MEF2C: variants seen among roughly 807,000 people sequenced by gnomAD.
The protein encoded by MEF2C is myocyte enhancer factor 2C.
MEF2C carries 6 observed loss-of-function variants against 50.5 expected under a neutral mutation model. That is an observed-to-expected ratio of 0.12 (90% CI 0.07 to 0.23). MEF2C has a LOEUF of 0.23. MEF2C is among the 10% of genes least tolerant of loss of function. MEF2C has a pLI of 1.00. For synonymous variants in MEF2C, 183 were observed against 228.0 expected (o/e 0.80, Z 1.78); for missense variants, 276 against 605.0 (o/e 0.46, Z 5.70).
chr5:88,900,072 A>G (rs1211191268), intron 1 of MEF2C, among the ~76,000 whole-genome samples: 1 of 152,086 alleles, frequency 6.6e-6, no homozygotes, highest in Non-Finnish European at 1.5e-5. Context: ...GCCCAGGACT[A>G]AAATAAATTC....
intron 3 of MEF2C, among the ~76,000 whole-genome samples, chr5:88,778,379 T>G (rs1375837327): frequency 6.6e-6 from 1 of 152,172 alleles, no homozygotes; most frequent in African/African-American, 2.4e-5. Flanking sequence ...ACTTTATTAT[T>G]TTGGCACCTA....
chr5:88,845,869 T>C (rs935571322), intron 1 of MEF2C, among the ~76,000 whole-genome samples: 6 of 152,058 alleles, frequency 3.9e-5, no homozygotes, highest in African/African-American at 1.4e-4. Context: ...TAGCTGAGAC[T>C]ACAGGTGCAC....
intron 3 of MEF2C, among the ~76,000 whole-genome samples, chr5:88,789,022 A>G (rs1792422704): frequency 6.6e-6 from 1 of 152,158 alleles, no homozygotes; most frequent in African/African-American, 2.4e-5. Flanking sequence ...TTCCTCCTTG[A>G]CATCATAGTG....
intron 1 of MEF2C, among the ~76,000 whole-genome samples, chr5:88,831,089 G>A (rs1025055273): frequency 6.6e-6 from 1 of 151,892 alleles, no homozygotes; most frequent in Non-Finnish European, 1.5e-5. Flanking sequence ...AATTATGTTC[G>A]TTATATTCTT....
intron 1 of MEF2C, among the ~76,000 whole-genome samples, chr5:88,852,482 C>G (rs1051580158): frequency 2.0e-5 from 3 of 152,150 alleles, no homozygotes; most frequent in Admixed American, 6.5e-5. Context: ...AATAAGTATA[C>G]TGTACAACAA....
chr5:88,788,199 T>TTTAATTAA lies in MEF2C; in HGVS notation c.258+16398_258+16399insTTAATTAA, dbSNP rs369379315. 1.2e-4 allele frequency among the ~76,000 whole-genome samples: 18 copies of TTTAATTAA among 151,208 alleles called. No homozygotes were observed. In the South Asian group the frequency reaches 2.9e-3, roughly 25 times the overall value. ...GTTTGTTTATTTATTTATTTATTTATTTATTTATTTAGAGACTGTGTCTCG... is the reference window on the plus strand; with the variant it reads ...GTTTGTTTATTTATTTATTTATTTATTTAATTAATTATTTATTTAGAGACTGTGTCTCG... On this transcript the variant is annotated intron_variant, in intron 3 of 10. Coordinates refer to ENST00000504921, the MANE Select transcript of MEF2C (RefSeq NM_002397.5).
At chr5:88,899,766 G>A (rs1835458139) in intron 1 of MEF2C, among the ~76,000 whole-genome samples, 1 of 152,076 alleles carries the variant, frequency 6.6e-6, no homozygotes, top group Admixed American at 6.6e-5. Flanking sequence ...TTTGCATACT[G>A]TTATTACATA....
intron 4 of MEF2C, among the ~76,000 whole-genome samples, chr5:88,760,366 C>T (rs569890258): frequency 8.9e-4 from 136 of 152,246 alleles, no homozygotes; most frequent in African/African-American, 3.0e-3. Context: ...GGTGGCAAAG[C>T]GGATAATATT....
intron 1 of MEF2C, among the ~76,000 whole-genome samples, chr5:88,856,401 A>G (rs1823362202): frequency 6.6e-6 from 1 of 152,242 alleles, no homozygotes; most frequent in African/African-American, 2.4e-5. Flanking sequence ...AATGAGATGG[A>G]AAAGAAAAAC....
chr5:88,866,149 G>T (rs1581748614), intron 1 of MEF2C, among the ~76,000 whole-genome samples: 1 of 152,302 alleles, frequency 6.6e-6, no homozygotes, highest in East Asian at 1.9e-4. Flanking sequence ...GCCGGCCTTG[G>T]CCTCCCAAAG....
intron 4 of MEF2C, among the ~76,000 whole-genome samples, chr5:88,753,508 GCCTCTGCCTC>G (rs1773817410): frequency 6.6e-6 from 1 of 152,188 alleles, no homozygotes; most frequent in African/African-American, 2.4e-5. Flanking sequence ...TGATTCTGCT[GCCTCTGCCTC>G]CCAAGCAGTG....
chr5:88,752,201 TA>T (rs1773143128), intron 4 of MEF2C, among the ~76,000 whole-genome samples, 158 bp from the exon 5 acceptor site: 1 of 152,274 alleles, frequency 6.6e-6, no homozygotes, highest in African/African-American at 2.4e-5. Flanking sequence ...GTTCAGATCA[TA>T]AATTGATTTC....
intron 6 of MEF2C, chr5:88,736,039 T>A: frequency 1.0e-6 from 1 of 985,250 alleles, no homozygotes; most frequent in Non-Finnish European, 1.2e-6. Context: ...GGCATAACCA[T>A]TTTTTAATCT....
intron 3 of MEF2C, among the ~76,000 whole-genome samples, chr5:88,800,933 A>C (rs1442224233): frequency 6.6e-6 from 1 of 152,216 alleles, no homozygotes; most frequent in East Asian, 1.9e-4. Context: ...AACTGATCTC[A>C]GTCTGTCTGT....
chr5:88,893,377 C>G, intron 1 of MEF2C, among the ~76,000 whole-genome samples: 1 of 148,172 alleles, frequency 6.7e-6, no homozygotes, highest in East Asian at 2.0e-4. Context: ...GTGGTGTGAT[C>G]TTGGCTCACT....
At chr5:88,755,453 C>T (rs1469908456) in intron 4 of MEF2C, among the ~76,000 whole-genome samples, 1 of 152,154 alleles carries the variant, frequency 6.6e-6, no homozygotes, top group Admixed American at 6.5e-5. Context: ...AAATAAAATA[C>T]TGTAGTCAGA....
At chr5:88,841,024 T>TA (rs1385536276) in intron 1 of MEF2C, among the ~76,000 whole-genome samples, 1 of 152,216 alleles carries the variant, frequency 6.6e-6, no homozygotes, top group Non-Finnish European at 1.5e-5. Flanking sequence ...CACATGGATT[T>TA]CATGGCAATA....
chr5:88,814,857 G>A (rs1022026016), intron 2 of MEF2C, among the ~76,000 whole-genome samples: 1 of 152,082 alleles, frequency 6.6e-6, no homozygotes, highest in Non-Finnish European at 1.5e-5. Flanking sequence ...ATGAGGAAAA[G>A]GAAGAAGGAT....
intron 1 of MEF2C, among the ~76,000 whole-genome samples, chr5:88,836,124 G>A (rs1815003906): frequency 6.6e-6 from 1 of 152,090 alleles, no homozygotes; most frequent in Non-Finnish European, 1.5e-5. Context: ...AATTTACCAT[G>A]AAGCCTAAAT....
Sources: allele counts gnomAD v4.1 joint callset (sites outside exome capture counted in the v4.1 genomes callset), GRCh38; gene constraint gnomAD v4.1.1; transcripts MANE v1.5; gene names NCBI Gene and HGNC (gene_info 2026-07-23, HGNC 2026-07-21).